SUCLG2: variants seen among roughly 807,000 people sequenced by gnomAD.
The protein encoded by SUCLG2 is succinate-CoA ligase GDP-forming subunit beta, also known as succinate--CoA ligase [GDP-forming] subunit beta, mitochondrial.
SUCLG2 carries 42 observed loss-of-function variants against 47.9 expected under a neutral mutation model. That is an observed-to-expected ratio of 0.88 (90% CI 0.69 to 1.14). SUCLG2 has a LOEUF of 1.14. SUCLG2 is among the 50% of genes most tolerant of loss of function. The pLI, the probability that SUCLG2 is intolerant of heterozygous loss-of-function variation, is 0.00. For synonymous variants in SUCLG2, 195 were observed against 197.3 expected, an observed-to-expected ratio of 0.99 and a Z score of 0.10; for missense variants, 571 against 525.9, an observed-to-expected ratio of 1.09 and a Z score of -0.84.
At chr3:67,374,653 T>A (rs1358398805), downstream of SUCLG2, 2 of 600,966 alleles carry the variant, frequency 3.3e-6, no homozygotes, top group South Asian at 1.5e-4. Flanking sequence ...CTAAGACTAG[T>A]GTCTTTGTAA....
chr3:67,515,049 C>T (rs926246519), intron 6 of SUCLG2, among the ~76,000 whole-genome samples: 2 of 152,168 alleles, frequency 1.3e-5, no homozygotes, highest in Non-Finnish European at 2.9e-5. Context: ...TCACATCACT[C>T]ACCCCACGTC....
intron 10 of SUCLG2, among the ~76,000 whole-genome samples, chr3:67,393,189 C>T (rs544274393): frequency 7.9e-4 from 121 of 152,350 alleles, no homozygotes; most frequent in African/African-American, 2.5e-3. Flanking sequence ...GCGTGCAGCG[C>T]ACCATGCACG....
At chr3:67,650,431 G>C (rs1201843037) in intron 1 of SUCLG2, among the ~76,000 whole-genome samples, 1 of 152,192 alleles carries the variant, frequency 6.6e-6, no homozygotes, top group East Asian at 1.9e-4. Context: ...GAAGCTCTGG[G>C]CTGCACAGAA....
At chr3:67,506,973 A>G (rs1232630400) in intron 7 of SUCLG2, among the ~76,000 whole-genome samples, 1 of 152,204 alleles carries the variant, frequency 6.6e-6, no homozygotes, top group Non-Finnish European at 1.5e-5. Context: ...CATGGGTTCA[A>G]ATCCCAGCTT....
rs115766921 is a variant in SUCLG2, at chr3:67,598,949, C to T, written c.226+10506G>A. On this transcript the variant is annotated intron_variant, in intron 2 of 10. Transcript: ENST00000307227. ...GAGCCCACCTTCTTAAATACTACCA[C>T]AGTGCCTTCTCAAAGACATCACTGA... Among the ~76,000 whole-genome samples the T allele has an allele frequency of 4.8e-3, 735 of 152,306 alleles. 5 individuals are homozygous for T. Among genetic ancestry groups the T allele is most frequent in the African/African-American group, 0.017 (692 of 41,574 alleles).
chr3:67,444,052 A>C, intron 9 of SUCLG2, among the ~76,000 whole-genome samples: 1 of 109,060 alleles, frequency 9.2e-6, no homozygotes, highest in Non-Finnish European at 2.0e-5. Context: ...CCCGTCCGGG[A>C]GGGAGGTGGA....
intron 6 of SUCLG2, among the ~76,000 whole-genome samples, chr3:67,510,443 T>A (rs1370482692): frequency 6.6e-6 from 1 of 152,160 alleles, no homozygotes; most frequent in Non-Finnish European, 1.5e-5. Flanking sequence ...CCCGAAGAAC[T>A]TAAGGGTTTT....
chr3:67,653,090 T>C (rs781161622), intron 1 of SUCLG2, among the ~76,000 whole-genome samples: 12 of 152,236 alleles, frequency 7.9e-5, no homozygotes, highest in Admixed American at 2.0e-4. Flanking sequence ...GTTAGGGAAG[T>C]AGGCTTCACA....
chr3:67,451,684 G>A (rs1226835492), intron 9 of SUCLG2, among the ~76,000 whole-genome samples: 4 of 151,966 alleles, frequency 2.6e-5, no homozygotes, highest in Non-Finnish European at 4.4e-5. Flanking sequence ...GGGGTGGGGC[G>A]GCAATTATAG....
intron 2 of SUCLG2, among the ~76,000 whole-genome samples, chr3:67,544,506 G>A (rs58780346): frequency 3.0e-4 from 46 of 152,258 alleles, no homozygotes; most frequent in African/African-American, 1.1e-3. Flanking sequence ...CACCATGATT[G>A]TAAGTTTCCT....
At chr3:67,626,025 T>TATATATATACA (rs55738024) in intron 1 of SUCLG2, among the ~76,000 whole-genome samples, 25 of 69,550 alleles carry the variant, frequency 3.6e-4, no homozygotes, top group African/African-American at 1.1e-3. Flanking sequence ...TATATTTACA[T>TATATATATACA]TTTTTTTTTT....
intron 9 of SUCLG2, among the ~76,000 whole-genome samples, chr3:67,432,800 A>C (rs1202284579): frequency 1.3e-5 from 2 of 152,108 alleles, no homozygotes; most frequent in Admixed American, 1.3e-4. Context: ...ACATTGTATG[A>C]CTCGCTCTCA....
intron 1 of SUCLG2, among the ~76,000 whole-genome samples, chr3:67,651,866 T>A (rs1189005667): frequency 6.6e-6 from 1 of 152,190 alleles, no homozygotes. Context: ...CCATTCTCCA[T>A]CCCATGACCC....
intron 1 of SUCLG2, among the ~76,000 whole-genome samples, chr3:67,643,157 C>G (rs1427479419): frequency 6.6e-6 from 1 of 152,202 alleles, no homozygotes; most frequent in South Asian, 2.1e-4. Context: ...TCCAAAAGTA[C>G]TCAGTGTTTG....
At chr3:67,461,028 T>G (rs1190809303) in intron 9 of SUCLG2, among the ~76,000 whole-genome samples, 1 of 152,210 alleles carries the variant, frequency 6.6e-6, no homozygotes, top group Non-Finnish European at 1.5e-5. Flanking sequence ...GTGCCCAGTG[T>G]ACTCTCTGAC....
rs190360694 is a variant in SUCLG2, at chr3:67,563,590, C to A, written c.227-34404G>T. Among the ~76,000 whole-genome samples, 359 of 152,268 alleles carry A rather than the reference C, an allele frequency of 2.4e-3. 3 individuals carry two copies. The highest frequency in any genetic ancestry group is 2.5e-3 in the Non-Finnish European group (172 of 68,024). ...TACAGAACACAATGTACAATATGCT[C>A]CCTTTTAGGCTGAATGGGGCTCACT... On this transcript the variant is annotated intron_variant, in intron 2 of 10. Transcript: ENST00000307227.
At position 67,360,748 on chromosome 3, in the gene SUCLG2, CT is replaced by C. The variant is rs201326682; in HGVS notation, c.1203del (p.Gly402GlufsTer6). On this transcript the variant is annotated frameshift_variant, in exon 11 of 11. Coordinates refer to the SUCLG2 transcript ENST00000493112. LOFTEE classifies it low-confidence loss of function (END_TRUNC). Reference sequence around the variant, plus strand: ...TCTTGTTTTATGTGCATATAACTTCCTTTTTTTTCCATAAAAGTACCTGAAA... The same window carrying C: ...TCTTGTTTTATGTGCATATAACTTCCTTTTTTTCCATAAAAGTACCTGAAA... 1.4e-3 allele frequency: 2,051 copies of C among 1,507,606 alleles called. 21 individuals are homozygous for C. The African/African-American group carries it at 0.022, about 16-fold the overall frequency. The allele number at this position is 1,507,606 out of a possible 1,614,324, so 93.4% of individuals were successfully genotyped here. A position where few individuals can be genotyped will look rare whatever the true frequency, so the allele number is the denominator to read the frequency against.
At chr3:67,369,706 A>G (rs976213052) in intron 10 of SUCLG2, among the ~76,000 whole-genome samples, 1 of 152,164 alleles carries the variant, frequency 6.6e-6, no homozygotes, top group Non-Finnish European at 1.5e-5. Context: ...GTTGCCATTT[A>G]TTAGCTCTGG....
chr3:67,495,361 A>G (rs1331901273), intron 9 of SUCLG2, among the ~76,000 whole-genome samples: 3 of 152,156 alleles, frequency 2.0e-5, no homozygotes, highest in Non-Finnish European at 2.9e-5. Flanking sequence ...GTGATATAAG[A>G]CAGAAGTTGT....
Sources: allele counts gnomAD v4.1 joint callset (sites outside exome capture counted in the v4.1 genomes callset), GRCh38; gene constraint gnomAD v4.1.1; transcripts MANE v1.5; gene names NCBI Gene and HGNC (gene_info 2026-07-23, HGNC 2026-07-21).